Variants in ZNF385D observed in about 807,000 individuals in gnomAD.
ZNF385D encodes zinc finger protein 659.
A neutral mutation model predicts 35.8 loss-of-function variants in ZNF385D; 15 were observed. That is an observed-to-expected ratio of 0.42 (90% CI 0.28 to 0.64). The LOEUF (loss-of-function observed/expected upper bound fraction) is 0.64, where lower values mean the gene tolerates loss of function less well. ZNF385D is among the 30% of genes least tolerant of loss of function. The probability of loss-of-function intolerance (pLI) is 0.23; values close to 1 mark genes in which losing one functional copy is unlikely to be tolerated. For missense variants in ZNF385D, 474 were observed against 494.6 expected, an observed-to-expected ratio of 0.96 and a Z score of 0.39; for synonymous variants, 212 against 186.8, an observed-to-expected ratio of 1.13 and a Z score of -1.10.
At chr3:22,255,790 GT>G (rs5847170) in intron 2 of ZNF385D, among the ~76,000 whole-genome samples, 107 of 145,720 alleles carry the variant, frequency 7.3e-4, no homozygotes, top group African/African-American at 1.5e-3. Context: ...CCTTAACTCA[GT>G]TTTTTTTTTT....
intron 3 of ZNF385D, among the ~76,000 whole-genome samples, chr3:22,123,110 G>C (rs1248625261): frequency 6.6e-6 from 1 of 152,068 alleles, no homozygotes; most frequent in Non-Finnish European, 1.5e-5. Context: ...TGGATGATGA[G>C]TTGATAGATT....
chr3:21,797,189 C>A (rs1284695287), intron 3 of ZNF385D, among the ~76,000 whole-genome samples: 2 of 152,164 alleles, frequency 1.3e-5, no homozygotes, highest in African/African-American at 4.8e-5. Context: ...TGCCAGACAC[C>A]TCAGCAAAGA....
At chr3:21,495,175 C>T (rs1181586763) in intron 4 of ZNF385D, among the ~76,000 whole-genome samples, 5 of 151,372 alleles carry the variant, frequency 3.3e-5, no homozygotes, top group Non-Finnish European at 5.9e-5. Context: ...TAAATAACCT[C>T]GAGTTCCATC....
chr3:21,721,856 T>C (rs1350424064), intron 1 of ZNF385D, among the ~76,000 whole-genome samples: 5 of 152,064 alleles, frequency 3.3e-5, no homozygotes, highest in African/African-American at 1.2e-4. Flanking sequence ...TCCCAGCACT[T>C]TGGGAGGCCC....
intron 3 of ZNF385D, among the ~76,000 whole-genome samples, chr3:21,767,340 G>C (rs781583789): frequency 7.3e-5 from 11 of 151,682 alleles, no homozygotes; most frequent in Non-Finnish European, 1.6e-4. Context: ...TCTCCTTTTA[G>C]CTCAACTGCC....
chr3:21,776,393 G>A (rs1038846061), intron 3 of ZNF385D, among the ~76,000 whole-genome samples: 6 of 151,940 alleles, frequency 3.9e-5, no homozygotes, highest in South Asian at 2.1e-4. Flanking sequence ...CATGAGCGCC[G>A]TGTGTGACGG....
At chr3:21,566,652 T>G (rs1431435460) in intron 2 of ZNF385D, among the ~76,000 whole-genome samples, 5 of 152,152 alleles carry the variant, frequency 3.3e-5, no homozygotes, top group Non-Finnish European at 5.9e-5. Context: ...CCTCTCTCCT[T>G]CACTAGTGAA....
chr3:21,732,008 A>T (rs1256352124), intron 1 of ZNF385D, among the ~76,000 whole-genome samples: 1 of 119,000 alleles, frequency 8.4e-6, no homozygotes, highest in African/African-American at 3.2e-5. Context: ...GCTTCTATTC[A>T]GGGTTTTTTT....
At position 21,627,246 on chromosome 3, in the gene ZNF385D, GGTGTGTGTGTGTGTGTGT is replaced by G. The variant is rs55918045; in HGVS notation, c.165+37622_165+37639del. ...CTTATGCTGGTTCAAAGAGGTGTAG[GGTGTGTGTGTGTGTGTGT>G]GTGTGTGTGTGTGTGTGTGTGTGAA... On this transcript the variant is annotated intron_variant, in intron 2 of 7. Coordinates refer to ENST00000281523, the MANE Select transcript of ZNF385D (RefSeq NM_024697.3). Among the ~76,000 whole-genome samples the G allele has an allele frequency of 4.4e-3, 618 of 139,496 alleles. 6 individuals carry two copies. The highest frequency in any genetic ancestry group is 4.3e-3 in the Non-Finnish European group (279 of 65,016). The allele number at this position is 139,496 out of a possible 152,430, so 91.5% of individuals were successfully genotyped here.
intron 2 of ZNF385D, among the ~76,000 whole-genome samples, chr3:22,220,060 CT>C (rs539089821): frequency 1.4e-3 from 203 of 144,534 alleles, no homozygotes; most frequent in Middle Eastern, 7.2e-3. Flanking sequence ...TTCTTTCTTC[CT>C]TTTTTTTTTT....
At chr3:22,080,828 G>T (rs1157799885) in intron 3 of ZNF385D, among the ~76,000 whole-genome samples, 1 of 152,048 alleles carries the variant, frequency 6.6e-6, no homozygotes, top group East Asian at 1.9e-4. Flanking sequence ...CAGAGAACTA[G>T]CTAGGCCCTT....
At chr3:22,239,861 T>C (rs746561693) in intron 2 of ZNF385D, among the ~76,000 whole-genome samples, 8 of 150,642 alleles carry the variant, frequency 5.3e-5, no homozygotes, top group African/African-American at 7.4e-5. Flanking sequence ...CTCAAGCACA[T>C]AGAACGTCAG....
chr3:22,244,364 T>TAAA (rs34497539), intron 2 of ZNF385D, among the ~76,000 whole-genome samples: 83 of 62,566 alleles, frequency 1.3e-3, no homozygotes, highest in Non-Finnish European at 2.1e-3. Context: ...CAACCGAATG[T>TAAA]AAAAAAAAAA....
At chr3:21,840,199 C>T (rs1356735845) in intron 3 of ZNF385D, among the ~76,000 whole-genome samples, 5 of 151,954 alleles carry the variant, frequency 3.3e-5, no homozygotes. Flanking sequence ...GGTATACATG[C>T]ATTCAAAAGT....
At chr3:21,990,172 T>G (rs1273492119) in intron 3 of ZNF385D, among the ~76,000 whole-genome samples, 2 of 152,228 alleles carry the variant, frequency 1.3e-5, no homozygotes, top group Non-Finnish European at 2.9e-5. Flanking sequence ...ATGCTTATTT[T>G]CTTTGAAAAG....
chr3:22,200,438 A>C (rs1696708748), intron 2 of ZNF385D, among the ~76,000 whole-genome samples: 1 of 152,068 alleles, frequency 6.6e-6, no homozygotes, highest in Admixed American at 6.6e-5. Context: ...GGGAGTATAC[A>C]AATAGGGTGT....
chr3:22,088,035 G>A (rs1056074753), intron 3 of ZNF385D, among the ~76,000 whole-genome samples: 11 of 152,240 alleles, frequency 7.2e-5, no homozygotes, highest in Non-Finnish European at 1.2e-4. Context: ...ACTCAAAATC[G>A]GATTCAGCAG....
At chr3:21,748,648 T>G (rs2069901354) in intron 1 of ZNF385D, among the ~76,000 whole-genome samples, 1 of 152,154 alleles carries the variant, frequency 6.6e-6, no homozygotes, top group African/African-American at 2.4e-5. Flanking sequence ...CTCCCTGACT[T>G]GATAAACCAT....
intron 3 of ZNF385D, among the ~76,000 whole-genome samples, chr3:21,960,565 T>C (rs2125317333): frequency 6.6e-6 from 1 of 152,070 alleles, no homozygotes; most frequent in African/African-American, 2.4e-5. Flanking sequence ...TACCATAAGA[T>C]CCAGCAATCC....
Sources: allele counts gnomAD v4.1 joint callset (sites outside exome capture counted in the v4.1 genomes callset), GRCh38; gene constraint gnomAD v4.1.1; transcripts MANE v1.5; gene names NCBI Gene and HGNC (gene_info 2026-07-23, HGNC 2026-07-21).